Variants in CORO2B observed in about 807,000 individuals in gnomAD.
CORO2B encodes coronin-2B.
Under a neutral mutation model 58.8 loss-of-function variants are expected in CORO2B, and 26 were observed. The observed-to-expected ratio is 0.44, with a 90% CI of 0.32 to 0.61. The LOEUF is 0.61. Ranked by LOEUF, CORO2B falls within the 20% of genes least tolerant of loss-of-function variation. The probability of loss-of-function intolerance (pLI) is 0.04; values close to 1 mark genes in which losing one functional copy is unlikely to be tolerated. For missense variants in CORO2B, 460 were observed against 645.1 expected (o/e 0.71, Z 3.11); for synonymous variants, 242 against 253.8 (o/e 0.95, Z 0.44).
chr15:68,602,892 G>A (rs929655127), intron 1 of CORO2B, among the ~76,000 whole-genome samples: 6 of 152,322 alleles, frequency 3.9e-5, no homozygotes, highest in African/African-American at 1.4e-4. Flanking sequence ...GCAAGCACAC[G>A]TGTTTCCCTG....
chr15:68,670,241 A>G (rs1902343941), intron 2 of CORO2B, among the ~76,000 whole-genome samples: 2 of 148,810 alleles, frequency 1.3e-5, no homozygotes, highest in Admixed American at 6.6e-5. Flanking sequence ...GTGGCGTGAT[A>G]TTAGCTCACT....
chr15:68,721,246 G>A (rs540591645), intron 11 of CORO2B, among the ~76,000 whole-genome samples: 187 of 152,266 alleles, frequency 1.2e-3, no homozygotes, highest in Non-Finnish European at 2.2e-3. Flanking sequence ...CAGTCTTAAG[G>A]GGGAGATTGG....
intron 2 of CORO2B, among the ~76,000 whole-genome samples, chr15:68,664,516 A>G (rs535802196): frequency 1.6e-4 from 25 of 152,214 alleles, no homozygotes; most frequent in Middle Eastern, 3.4e-3. Context: ...CCATGGTGGC[A>G]GGCACCTGTA....
Position 68,726,262 on chromosome 15 carries a change from G to A in CORO2B, c.*288G>A, listed in dbSNP as rs1031370182. The A allele has an allele frequency of 2.6e-6, 1 of 382,298 alleles. No homozygotes were observed. Among genetic ancestry groups the A allele is most frequent in the Non-Finnish European group, 4.7e-6 (1 of 211,006 alleles). 23.7% of individuals were successfully genotyped at this position (382,298 alleles called of 1,614,324 possible). A position where few individuals can be genotyped will look rare whatever the true frequency, so the allele number is the denominator to read the frequency against. ...GAAGACTACAGACTCCCTGGGGTTG[G>A]CAGGGGCTCCATCTCAGTGGACCAG... On this transcript the variant is annotated 3_prime_UTR_variant, in exon 12 of 12. Coordinates refer to ENST00000261861, the MANE Select transcript of CORO2B (RefSeq NM_006091.5).
At chr15:68,689,440 T>C (rs1331128168) in intron 2 of CORO2B, among the ~76,000 whole-genome samples, 1 of 152,188 alleles carries the variant, frequency 6.6e-6, no homozygotes, top group African/African-American at 2.4e-5. Context: ...ATCTCTGTTT[T>C]CTTAGTTGTA....
intron 1 of CORO2B, among the ~76,000 whole-genome samples, chr15:68,587,699 T>A (rs143631243): frequency 7.1e-4 from 108 of 152,304 alleles, no homozygotes; most frequent in Middle Eastern, 3.4e-3. Context: ...ACAATATGTT[T>A]TATATGTATT....
chr15:68,578,811 C>T (rs915436022), upstream of CORO2B, among the ~76,000 whole-genome samples: 2 of 151,934 alleles, frequency 1.3e-5, no homozygotes, highest in African/African-American at 4.8e-5. The surrounding 1 kb of genome is among the most constrained non-coding windows in gnomAD (Gnocchi z 4.2). Flanking sequence ...GACCCGGGCG[C>T]CCGTCCGGAC....
At chr15:68,588,235 T>C (rs1374751976) in intron 1 of CORO2B, among the ~76,000 whole-genome samples, 2 of 152,246 alleles carry the variant, frequency 1.3e-5, no homozygotes, top group Non-Finnish European at 2.9e-5. Flanking sequence ...GTAGTCCTTA[T>C]TTCAGAATTG....
the CORO2B span, among the ~76,000 whole-genome samples, chr15:68,523,085 T>G: frequency 5.9e-5 from 9 of 152,226 alleles, no homozygotes; most frequent in African/African-American, 2.2e-4. Context: ...GTTCTTTCTC[T>G]TGTCATTTTT....
chr15:68,584,527 T>C (rs964927981), intron 1 of CORO2B, among the ~76,000 whole-genome samples: 3 of 152,080 alleles, frequency 2.0e-5, no homozygotes, highest in African/African-American at 7.2e-5. Context: ...GGAGTGAGTT[T>C]TTCCACTTCT....
intron 1 of CORO2B, among the ~76,000 whole-genome samples, chr15:68,596,140 A>G (rs1016619327): frequency 6.6e-6 from 1 of 152,050 alleles, no homozygotes; most frequent in Admixed American, 6.5e-5. Flanking sequence ...TTTTAGTAGT[A>G]AAGAGATGCG....
At chr15:68,658,445 C>A (rs1901900300) in intron 2 of CORO2B, among the ~76,000 whole-genome samples, 1 of 152,240 alleles carries the variant, frequency 6.6e-6, no homozygotes, top group Non-Finnish European at 1.5e-5. Flanking sequence ...GGGGCCTAGG[C>A]CAGATAACAA....
intron 1 of CORO2B, among the ~76,000 whole-genome samples, chr15:68,591,851 C>T (rs181394699): frequency 2.8e-4 from 43 of 152,256 alleles, no homozygotes; most frequent in East Asian, 1.4e-3. Context: ...TCTAGGAAAA[C>T]GTGGTTATAG....
intron 2 of CORO2B, among the ~76,000 whole-genome samples, chr15:68,679,195 A>G (rs1902691893): frequency 6.6e-6 from 1 of 152,186 alleles, no homozygotes; most frequent in Non-Finnish European, 1.5e-5. Flanking sequence ...ATCCCATCTT[A>G]TTCATCTCTA....
At chr15:68,664,425 A>G (rs1042343184) in intron 2 of CORO2B, among the ~76,000 whole-genome samples, 2 of 152,190 alleles carry the variant, frequency 1.3e-5, no homozygotes, top group African/African-American at 4.8e-5. Flanking sequence ...AGACAGGCGG[A>G]TCACGAGGTC....
the CORO2B span, among the ~76,000 whole-genome samples, chr15:68,568,232 C>T: frequency 6.6e-6 from 1 of 152,256 alleles, no homozygotes; most frequent in East Asian, 1.9e-4. Context: ...GGACAAGTTA[C>T]TTCTCCTCTC....
chr15:68,723,824 C>T (rs1211394252), intron 11 of CORO2B, among the ~76,000 whole-genome samples: 1 of 152,150 alleles, frequency 6.6e-6, no homozygotes, highest in African/African-American at 2.4e-5. Context: ...CCTCTAGTCC[C>T]AGCTACTCAG....
the CORO2B span, among the ~76,000 whole-genome samples, chr15:68,538,012 C>T: frequency 0.95 from 144,288 of 152,324 alleles, 68,434 homozygotes; most frequent in East Asian, 1. Context: ...TAGGTATCAT[C>T]TAGGTGGAAC....
intron 1 of CORO2B, among the ~76,000 whole-genome samples, chr15:68,598,349 G>A (rs1288463701): frequency 6.6e-6 from 1 of 152,228 alleles, no homozygotes; most frequent in Admixed American, 6.5e-5. Context: ...GTAAGCGTGT[G>A]CTTTGGTAGG....
Sources: gnomAD v4.1 joint callset for allele counts (sites outside exome capture counted in the v4.1 genomes callset) on GRCh38, gnomAD v4.1.1 for gene constraint, Gnocchi (gnomAD v3.1) non-coding constraint, MANE v1.5 for transcripts, NCBI Gene and HGNC (gene_info 2026-07-23, HGNC 2026-07-21) for gene names.